KIF26B: variants seen among roughly 807,000 people sequenced by gnomAD.
KIF26B encodes the protein kinesin family member 26B, also known as kinesin-like protein KIF26B.
A neutral mutation model predicts 151.2 loss-of-function variants in KIF26B; 63 were observed. That is an observed-to-expected ratio of 0.42 (90% CI 0.34 to 0.51). The LOEUF (loss-of-function observed/expected upper bound fraction) is 0.51. Ranked by LOEUF, KIF26B falls within the 20% of genes least tolerant of loss-of-function variation. The pLI is 0.07. For missense variants in KIF26B, 2,813 were observed against 2,913.6 expected (o/e 0.97, Z 0.79); for synonymous variants, 1,357 against 1,262.1 (o/e 1.08, Z -1.59).
intron 4 of KIF26B, among the ~76,000 whole-genome samples, chr1:245,465,406 A>AG (rs57224070): frequency 0.82 from 124,326 of 151,580 alleles, 51,301 homozygotes; most frequent in African/African-American, 0.91. Context: ...TGACCAGGGG[A>AG]GGGGGAAAAG....
chr1:245,195,695 T>C (rs1669179425), intron 2 of KIF26B, among the ~76,000 whole-genome samples: 1 of 152,046 alleles, frequency 6.6e-6, no homozygotes, highest in Non-Finnish European at 1.5e-5. Flanking sequence ...GCCTGTCAGG[T>C]GTTGTTTTTC....
intron 2 of KIF26B, among the ~76,000 whole-genome samples, chr1:245,258,076 G>A (rs1670572916): frequency 1.3e-5 from 2 of 152,152 alleles, no homozygotes. Context: ...CTCCGGTGGT[G>A]AGTTGAGAGC....
rs149216872 is a variant in KIF26B at position 245,653,264 on chromosome 1, C to T, written c.2258+6984C>T. 3.6e-3 allele frequency among the ~76,000 whole-genome samples: 550 copies of T among 152,170 alleles called. 3 individuals are homozygous for T. Among genetic ancestry groups the T allele is most frequent in the Middle Eastern group, 0.024 (7 of 292 alleles). ...GTGAATAGAAGGGCAGAACCGAGAG[C>T]GGGAACTCTATCTTGATCTTGCTAA... On this transcript the variant is annotated intron_variant, in intron 10 of 14. Transcript: ENST00000407071.
At chr1:245,311,753 G>A (rs900531306) in intron 2 of KIF26B, among the ~76,000 whole-genome samples, 51 of 152,114 alleles carry the variant, frequency 3.4e-4, no homozygotes, top group African/African-American at 1.2e-3. Flanking sequence ...GGCAACATGG[G>A]GAAACCCTGT....
At chr1:245,246,330 A>T (rs1345454859) in intron 2 of KIF26B, among the ~76,000 whole-genome samples, 1 of 152,154 alleles carries the variant, frequency 6.6e-6, no homozygotes, top group African/African-American at 2.4e-5. Context: ...CTGTCTGGGG[A>T]TGAGCAATGC....
In KIF26B at chr1:245,617,499, C is replaced by G. The variant is rs541625555; in HGVS notation, c.2098+5523C>G. Among the ~76,000 whole-genome samples, 80 of 152,254 alleles carry G rather than the reference C, an allele frequency of 5.3e-4. 1 individual carries two copies. The South Asian group carries it at 0.016, about 31-fold the overall frequency. ...GTGGATATGACTCTGGAGATCCATT[C>G]TTTGGGTGGCAGATGTGGGAAAAGA... On this transcript the variant is annotated intron_variant, in intron 9 of 14. Coordinates refer to ENST00000407071, the MANE Select transcript of KIF26B (RefSeq NM_018012.4).
chr1:245,677,325 C>G (rs888383492), intron 10 of KIF26B, among the ~76,000 whole-genome samples: 8 of 152,232 alleles, frequency 5.3e-5, no homozygotes, highest in African/African-American at 1.2e-4. Flanking sequence ...CCTCGGCTAT[C>G]TCTGCCAATA....
intron 9 of KIF26B, among the ~76,000 whole-genome samples, chr1:245,612,885 G>T (rs1003523232): frequency 2.6e-5 from 4 of 152,124 alleles, no homozygotes; most frequent in Non-Finnish European, 5.9e-5. Flanking sequence ...ACCCCTCTTG[G>T]CTGTGTTTCC....
chr1:245,178,971 T>C (rs1558335608), intron 2 of KIF26B, among the ~76,000 whole-genome samples: 1 of 11,874 alleles, frequency 8.4e-5, no homozygotes, highest in Non-Finnish European at 1.5e-4. Flanking sequence ...TTCTTAACCA[T>C]GTTTTTTTTT....
At chr1:245,408,840 G>T (rs751820451) in intron 3 of KIF26B, among the ~76,000 whole-genome samples, 1 of 152,110 alleles carries the variant, frequency 6.6e-6, no homozygotes, top group Non-Finnish European at 1.5e-5. Flanking sequence ...CCTGGCAGAC[G>T]GAATTGAAGC....
intron 5 of KIF26B, among the ~76,000 whole-genome samples, chr1:245,591,820 T>C (rs1473398590): frequency 1.3e-5 from 2 of 152,122 alleles, no homozygotes; most frequent in Non-Finnish European, 2.9e-5. Flanking sequence ...GCCCCCGACA[T>C]GTGTCTGTCT....
At chr1:245,393,767 T>G (rs1053464616) in intron 3 of KIF26B, among the ~76,000 whole-genome samples, 1 of 152,234 alleles carries the variant, frequency 6.6e-6, no homozygotes, top group Non-Finnish European at 1.5e-5. Flanking sequence ...AAGGGAGATT[T>G]CAAATTTAGT....
At chr1:245,277,475 C>T (rs529958390) in intron 2 of KIF26B, among the ~76,000 whole-genome samples, 2 of 152,166 alleles carry the variant, frequency 1.3e-5, no homozygotes, top group Non-Finnish European at 2.9e-5. Flanking sequence ...CTCTTGGTGC[C>T]CCCTGCAGGT....
intron 4 of KIF26B, among the ~76,000 whole-genome samples, chr1:245,484,392 G>A (rs1446374306): frequency 6.6e-6 from 1 of 151,836 alleles, no homozygotes; most frequent in Non-Finnish European, 1.5e-5. Flanking sequence ...AAAGGGGCCT[G>A]ATTGTGAGGA....
At chr1:245,485,675 T>C (rs904103435) in intron 4 of KIF26B, among the ~76,000 whole-genome samples, 3 of 152,200 alleles carry the variant, frequency 2.0e-5, no homozygotes, top group Non-Finnish European at 4.4e-5. Flanking sequence ...TGAGCCACCG[T>C]GCCTGGCCTT....
chr1:245,372,171 C>T (rs1673144352), intron 3 of KIF26B, among the ~76,000 whole-genome samples: 1 of 152,120 alleles, frequency 6.6e-6, no homozygotes, highest in Non-Finnish European at 1.5e-5. Flanking sequence ...CCATTAGGTT[C>T]TCCTAGGAGC....
At chr1:245,394,393 C>T (rs550009795) in intron 3 of KIF26B, among the ~76,000 whole-genome samples, 27 of 152,240 alleles carry the variant, frequency 1.8e-4, no homozygotes, top group African/African-American at 6.5e-4. Context: ...GAGGCCAAGG[C>T]AGGCAGATCA....
chr1:245,469,234 AC>A (rs1659856387), intron 4 of KIF26B, among the ~76,000 whole-genome samples: 1 of 152,214 alleles, frequency 6.6e-6, no homozygotes, highest in Non-Finnish European at 1.5e-5. Context: ...AAACAGCGTC[AC>A]TTGGGGAGAA....
intron 4 of KIF26B, among the ~76,000 whole-genome samples, chr1:245,475,074 A>G (rs1484528698): frequency 6.6e-6 from 1 of 151,882 alleles, no homozygotes; most frequent in Non-Finnish European, 1.5e-5. Context: ...ATTTTCATTG[A>G]GTAGAGTGCT....
Sources: allele counts gnomAD v4.1 joint callset (sites outside exome capture counted in the v4.1 genomes callset), GRCh38; gene constraint gnomAD v4.1.1; transcripts MANE v1.5; gene names NCBI Gene and HGNC (gene_info 2026-07-23, HGNC 2026-07-21).